Variants in CLIP1 observed in about 807,000 individuals in gnomAD.
CLIP1 encodes the protein CAP-Gly domain containing linker protein 1.
A neutral mutation model predicts 161.6 loss-of-function variants in CLIP1; 66 were observed. The ratio of observed to expected loss-of-function variants is 0.41; its 90% CI spans 0.33 to 0.50. The LOEUF (loss-of-function observed/expected upper bound fraction) is 0.50, where lower values mean the gene tolerates loss of function less well. Ranked by LOEUF, CLIP1 falls within the 20% of genes least tolerant of loss-of-function variation. The pLI, the probability that CLIP1 is intolerant of heterozygous loss-of-function variation, is 0.27. For synonymous variants in CLIP1, 598 were observed against 626.2 expected (o/e 0.96, Z 0.67); for missense variants, 1,376 against 1,702.0 (o/e 0.81, Z 3.37).
At chr12:122,288,977 G>T (rs112842227) in intron 20 of CLIP1, among the ~76,000 whole-genome samples, 2 of 151,156 alleles carry the variant, frequency 1.3e-5, no homozygotes, top group Middle Eastern at 3.4e-3. Flanking sequence ...CACAACGCCC[G>T]GCTAATTTTT....
At chr12:122,393,676 C>G (rs934150271) in intron 1 of CLIP1, among the ~76,000 whole-genome samples, 2 of 152,038 alleles carry the variant, frequency 1.3e-5, no homozygotes, top group Non-Finnish European at 2.9e-5. Flanking sequence ...CTTTGGGAAG[C>G]TGAGGCAGAC....
chr12:122,349,371 G>C (rs914634248), intron 9 of CLIP1, among the ~76,000 whole-genome samples: 4 of 152,194 alleles, frequency 2.6e-5, no homozygotes, highest in African/African-American at 4.8e-5. Context: ...CCTCCTTACT[G>C]ATGGGTCTAT....
chr12:122,273,069 G>T lies in CLIP1; in HGVS notation c.4123C>A (p.Pro1375Thr), dbSNP rs1219072804. The change falls in exon 26 of 26, where the codon CCT becomes ACT. Residue 1375 changes from proline to threonine, a missense_variant. Physicochemically the swap from Pro to Thr is conservative, Grantham distance 38. Around this residue, in one of 6 missense-constraint regions of CLIP1, gnomAD observed 948 missense variants for 1,134.8 expected, o/e 0.84. Transcript: ENST00000620786. ...DDQEKQSKKK[P>T]RLFCDICDCF... The stretch of plus-strand genomic sequence containing the variant: ...TCACAAATGTCACAGAAGAGGCGAG[G>T]TTTCTTCTTGGACTGTTTCTCCTGA... 8 of 1,613,936 alleles carry T rather than the reference G, an allele frequency of 5.0e-6. No homozygotes were observed. Among genetic ancestry groups the T allele is most frequent in the Non-Finnish European group, 6.8e-6 (8 of 1,179,982 alleles).
intron 1 of CLIP1, among the ~76,000 whole-genome samples, chr12:122,411,711 T>G (rs1295638512): frequency 6.6e-6 from 1 of 152,206 alleles, no homozygotes; most frequent in Non-Finnish European, 1.5e-5. Flanking sequence ...AGAGTAGATT[T>G]GCCATGTTGC....
At chr12:122,305,497 T>C (rs1005084184) in intron 20 of CLIP1, among the ~76,000 whole-genome samples, 1 of 152,228 alleles carries the variant, frequency 6.6e-6, no homozygotes, top group Non-Finnish European at 1.5e-5. Context: ...TGCCTGAATT[T>C]ACACTGTATG....
Position 122,379,143 on chromosome 12 carries a change from C to A in CLIP1, c.86-1183G>T, listed in dbSNP as rs181717047. ...TCCGTCTCAAAAAACAAAACAAAAC[C>A]AAAAAAAAACAAAAATTAGCCAGGC... On this transcript the variant is annotated intron_variant, in intron 2 of 25. Coordinates refer to ENST00000620786, the MANE Select transcript of CLIP1 (RefSeq NM_001247997.2). Among the ~76,000 whole-genome samples the A allele has an allele frequency of 3.7e-3, 536 of 143,442 alleles. 3 individuals carry two copies. The highest frequency in any genetic ancestry group is 6.4e-3 in the Non-Finnish European group (419 of 65,186). The allele number at this position is 143,442 out of a possible 152,430, so 94.1% of individuals were successfully genotyped here. A position where few individuals can be genotyped will look rare whatever the true frequency, so the allele number is the denominator to read the frequency against.
chr12:122,302,847 T>C (rs1190428564), intron 20 of CLIP1, among the ~76,000 whole-genome samples: 1 of 152,158 alleles, frequency 6.6e-6, no homozygotes, highest in Non-Finnish European at 1.5e-5. Flanking sequence ...TCTGCCCACC[T>C]CGGCCTCACA....
rs368813949 is a variant in CLIP1, at chr12:122,334,717, G to A, written c.2569-12C>T. 5 of 1,525,270 alleles carry A rather than the reference G, an allele frequency of 3.3e-6. No individual in the cohort carries two copies. The highest frequency in any genetic ancestry group is 4.5e-6 in the Non-Finnish European group (5 of 1,116,330). The allele number at this position is 1,525,270 out of a possible 1,614,324, so 94.5% of individuals were successfully genotyped here. On this transcript the variant is annotated splice_polypyrimidine_tract_variant and intron_variant, in intron 12 of 25. Transcript: ENST00000620786. ...GCAAACTTTTCTTTCTAAAGAAAAA[G>A]AATGAGAGATTCTGAACAGAAAGAT...
At chr12:122,278,974 G>A in intron 22 of CLIP1, 32 bp from the exon 23 acceptor site, 1 of 1,605,688 alleles carries the variant, frequency 6.2e-7, no homozygotes, top group Non-Finnish European at 8.5e-7. Context: ...TAGGCTGAGG[G>A]TTTGAACGAA....
chr12:122,350,546 T>C (rs1318466858), intron 9 of CLIP1, among the ~76,000 whole-genome samples: 1 of 152,084 alleles, frequency 6.6e-6, no homozygotes, highest in Non-Finnish European at 1.5e-5. Context: ...AAGGAAAATA[T>C]TGTAGAAACA....
At chr12:122,285,545 G>A (rs1955814833) in intron 21 of CLIP1, among the ~76,000 whole-genome samples, 1 of 151,210 alleles carries the variant, frequency 6.6e-6, no homozygotes, top group Admixed American at 6.6e-5. Context: ...TTTTTGTATT[G>A]CCAGGCTGGT....
intron 21 of CLIP1, among the ~76,000 whole-genome samples, chr12:122,286,813 A>G (rs569215782): frequency 6.6e-6 from 1 of 152,046 alleles, no homozygotes; most frequent in Admixed American, 6.6e-5. Flanking sequence ...CCTGGCTAAC[A>G]CGGTGAAACC....
intron 20 of CLIP1, among the ~76,000 whole-genome samples, chr12:122,294,132 T>C (rs1406983421): frequency 6.6e-6 from 1 of 150,442 alleles, no homozygotes; most frequent in Admixed American, 6.6e-5. Context: ...ATCCAGACCA[T>C]CCTGACTAAC....
chr12:122,293,244 A>G (rs1263488360), intron 20 of CLIP1, among the ~76,000 whole-genome samples: 3 of 152,148 alleles, frequency 2.0e-5, no homozygotes, highest in Admixed American at 6.5e-5. Context: ...CAGCATCATC[A>G]GTCATCAGGA....
rs79487033 is a variant in CLIP1 at position 122,351,216 on chromosome 12, G to A, written c.1369-73C>T. The A allele has an allele frequency of 5.8e-3, 5,195 of 900,300 alleles. 175 individuals are homozygous for A. The African/African-American group carries it at 0.077, about 13-fold the overall frequency. 55.8% of individuals were successfully genotyped at this position (900,300 alleles called of 1,614,324 possible). On this transcript the variant is annotated intron_variant, in intron 8 of 25. Transcript: ENST00000620786. Reference sequence around the variant, plus strand: ...TCCAATAAAGCTTCAATATGTGTTAGGGTTTCAAGATAACTTTATTTGATT... The same window carrying A: ...TCCAATAAAGCTTCAATATGTGTTAAGGTTTCAAGATAACTTTATTTGATT...
intron 1 of CLIP1, among the ~76,000 whole-genome samples, chr12:122,380,960 T>C (rs11836188): frequency 0.22 from 33,006 of 151,956 alleles, 3,869 homozygotes; most frequent in Admixed American, 0.27. Flanking sequence ...GCCCAGGAGT[T>C]TGAGGCTGCA....
chr12:122,389,144 A>G (rs558363286), intron 1 of CLIP1, among the ~76,000 whole-genome samples: 2 of 152,288 alleles, frequency 1.3e-5, no homozygotes, highest in Admixed American at 6.5e-5. Flanking sequence ...AGTCCTTGCA[A>G]TGAAAATCTG....
intron 1 of CLIP1, among the ~76,000 whole-genome samples, chr12:122,402,836 A>C (rs532304631): frequency 6.6e-6 from 1 of 152,286 alleles, no homozygotes; most frequent in Non-Finnish European, 1.5e-5. Flanking sequence ...AACAACAACA[A>C]ATGTGATTAA....
chr12:122,406,418 G>A (rs142487513), intron 1 of CLIP1, among the ~76,000 whole-genome samples: 199 of 152,350 alleles, frequency 1.3e-3, no homozygotes, highest in African/African-American at 4.7e-3. Context: ...ACACAAGTCA[G>A]TAAGTATCAG....
Sources: gnomAD v4.1 joint callset for allele counts (sites outside exome capture counted in the v4.1 genomes callset) on GRCh38, gnomAD v4.1.1 for gene constraint, gnomAD v4.1.1 regional missense constraint, MANE v1.5 for transcripts, NCBI Gene and HGNC (gene_info 2026-07-23, HGNC 2026-07-21) for gene names.